KCNIP1: variants seen among roughly 807,000 people sequenced by gnomAD.
The protein encoded by KCNIP1 is potassium voltage-gated channel interacting protein 1.
KCNIP1 carries 18 observed loss-of-function variants against 33.0 expected under a neutral mutation model. The observed-to-expected ratio is 0.55, with a 90% CI of 0.38 to 0.81. The LOEUF (loss-of-function observed/expected upper bound fraction) is 0.81. Among genes scored for constraint, KCNIP1 ranks in the 30% least tolerant of loss-of-function variants. The pLI is 0.00. For synonymous variants in KCNIP1, 93 were observed against 98.3 expected (o/e 0.95, Z 0.32); for missense variants, 238 against 271.6 (o/e 0.88, Z 0.87).
chr5:170,661,460 G>A (rs796393106), intron 1 of KCNIP1, among the ~76,000 whole-genome samples: 1 of 152,170 alleles, frequency 6.6e-6, no homozygotes, highest in Non-Finnish European at 1.5e-5. Flanking sequence ...CACAATTCTA[G>A]GAGTTGGGGA....
chr5:170,433,755 A>T (rs1755796602), intron 1 of KCNIP1, among the ~76,000 whole-genome samples: 1 of 152,228 alleles, frequency 6.6e-6, no homozygotes. Flanking sequence ...GTCACGCACT[A>T]TGCTAAATTC....
intron 1 of KCNIP1, among the ~76,000 whole-genome samples, chr5:170,582,441 G>T (rs925552021): frequency 6.6e-6 from 1 of 152,164 alleles, no homozygotes. Context: ...TTTAGCAGTT[G>T]CTCAATAAAT....
In KCNIP1 at chr5:170,383,638, C is replaced by T. The variant is rs1195747772; in HGVS notation, c.88+29674C>T. 4 of 1,608,348 alleles carry T rather than the reference C, an allele frequency of 2.5e-6. No homozygotes were observed. In the East Asian group the frequency reaches 6.7e-5, roughly 27 times the overall value. ...GTTAGGAACAGGCTCACACACCTGA[C>T]AGGGATAAAGGGATGTGTCCCCATC... On this transcript the variant is annotated intron_variant, in intron 1 of 7. Transcript: ENST00000377360.
chr5:170,513,171 T>A (rs1010073392), intron 1 of KCNIP1, among the ~76,000 whole-genome samples: 4 of 152,150 alleles, frequency 2.6e-5, no homozygotes, highest in Admixed American at 6.5e-5. Context: ...AAAGTACAGA[T>A]TATGGAACTA....
chr5:170,452,589 G>A (rs1283531186), intron 1 of KCNIP1, among the ~76,000 whole-genome samples: 1 of 152,192 alleles, frequency 6.6e-6, no homozygotes, highest in African/African-American at 2.4e-5. Flanking sequence ...GACATCCATG[G>A]CTGTAAAATT....
chr5:170,700,940 A>G (rs868276811), intron 1 of KCNIP1, among the ~76,000 whole-genome samples: 54 of 152,212 alleles, frequency 3.5e-4, no homozygotes, highest in African/African-American at 1.2e-3. Flanking sequence ...TTATTCCACA[A>G]AAACAACATT....
chr5:170,442,979 C>T (rs926327191), intron 1 of KCNIP1, among the ~76,000 whole-genome samples: 1 of 152,192 alleles, frequency 6.6e-6, no homozygotes, highest in Non-Finnish European at 1.5e-5. Flanking sequence ...CTGGGGTCCT[C>T]GTACCCAGAG....
chr5:170,479,687 CA>C (rs1414029173), intron 1 of KCNIP1, among the ~76,000 whole-genome samples: 1 of 152,194 alleles, frequency 6.6e-6, no homozygotes, highest in Non-Finnish European at 1.5e-5. Flanking sequence ...GTTTTGCCCA[CA>C]TGGGGGCTCT....
At chr5:170,639,496 G>A (rs1284243718) in intron 1 of KCNIP1, 2 of 152,266 alleles carry the variant, frequency 1.3e-5, no homozygotes, top group Non-Finnish European at 2.9e-5. Flanking sequence ...TGGCTCTGCA[G>A]GACTGCGTGA....
At chr5:170,400,526 G>T (rs1205987391) in intron 1 of KCNIP1, among the ~76,000 whole-genome samples, 1 of 152,122 alleles carries the variant, frequency 6.6e-6, no homozygotes, top group Non-Finnish European at 1.5e-5. Context: ...TTTGGGTGGG[G>T]ACACAGAGCC....
At chr5:170,597,724 G>A (rs920130502) in intron 1 of KCNIP1, among the ~76,000 whole-genome samples, 15 of 137,662 alleles carry the variant, frequency 1.1e-4, no homozygotes, top group Non-Finnish European at 2.4e-4. Context: ...GGCTGGTTTC[G>A]GTTTCCCAAG....
intron 1 of KCNIP1, among the ~76,000 whole-genome samples, chr5:170,487,254 T>C (rs1180895244): frequency 6.6e-6 from 1 of 152,176 alleles, no homozygotes; most frequent in Non-Finnish European, 1.5e-5. Context: ...GCTGACTCAA[T>C]GAAGTTTACC....
intron 1 of KCNIP1, among the ~76,000 whole-genome samples, chr5:170,655,859 C>A (rs1761243425): frequency 6.6e-6 from 1 of 152,242 alleles, no homozygotes; most frequent in South Asian, 2.1e-4. Context: ...AATCAGTCAT[C>A]TTGCTCATTG....
intron 1 of KCNIP1, among the ~76,000 whole-genome samples, chr5:170,600,493 C>T (rs1258958152): frequency 1.3e-5 from 2 of 152,148 alleles, no homozygotes; most frequent in African/African-American, 2.4e-5. Flanking sequence ...CATCAGGCCA[C>T]GTAGCACCTG....
intron 1 of KCNIP1, among the ~76,000 whole-genome samples, chr5:170,663,195 C>T (rs947787404): frequency 2.6e-5 from 4 of 152,168 alleles, no homozygotes; most frequent in African/African-American, 7.2e-5. Flanking sequence ...ACCCGAGTCT[C>T]GGAATGACTT....
rs1247296866 is a variant in KCNIP1, at chr5:170,673,234, A to G, written c.62-45524A>G. On this transcript the variant is annotated intron_variant, in intron 1 of 7. Transcript: ENST00000328939. ...GGAGTCCTCCCCTCTTGGGTAACAG[A>G]CTTGACACAGTTAAAGTGAGACAAA... Among the ~76,000 whole-genome samples the G allele has an allele frequency of 4.6e-5, 7 of 152,362 alleles. No homozygotes were observed. The East Asian group carries it at 5.8e-4, about 13-fold the overall frequency.
intron 1 of KCNIP1, among the ~76,000 whole-genome samples, chr5:170,716,558 G>T (rs947247151): frequency 2.6e-5 from 4 of 152,140 alleles, no homozygotes; most frequent in African/African-American, 2.4e-5. Context: ...ACAAAAGCTT[G>T]GCAGTCAGTA....
chr5:170,503,742 A>ACACACGCACGCACAT (rs1445619623), upstream of KCNIP1, among the ~76,000 whole-genome samples: 26 of 150,400 alleles, frequency 1.7e-4, no homozygotes, highest in Non-Finnish European at 3.3e-4. Flanking sequence ...ACACACACAC[A>ACACACGCACGCACAT]CACACACACA....
intron 1 of KCNIP1, among the ~76,000 whole-genome samples, chr5:170,493,048 C>T (rs1757240002): frequency 6.6e-6 from 1 of 152,216 alleles, no homozygotes; most frequent in African/African-American, 2.4e-5. Flanking sequence ...TCCCCCGGCC[C>T]CTTTCTATGA....
Sources: allele counts gnomAD v4.1 joint callset (sites outside exome capture counted in the v4.1 genomes callset), GRCh38; gene constraint gnomAD v4.1.1; transcripts MANE v1.5; gene names NCBI Gene and HGNC (gene_info 2026-07-23, HGNC 2026-07-21).